Variants in PTPN21 observed in about 807,000 individuals in gnomAD.
PTPN21 encodes the protein tyrosine-protein phosphatase non-receptor type 21.
PTPN21 carries 77 observed loss-of-function variants against 131.8 expected under a neutral mutation model. The observed-to-expected ratio is 0.58, with a 90% CI of 0.49 to 0.71. The LOEUF is 0.71. Among genes scored for constraint, PTPN21 ranks in the 30% least tolerant of loss-of-function variants. The pLI, the probability that PTPN21 is intolerant of heterozygous loss-of-function variation, is 0.00. For synonymous variants in PTPN21, 715 were observed against 621.3 expected (o/e 1.15, Z -2.24); for missense variants, 1,552 against 1,527.1 (o/e 1.02, Z -0.27).
chr14:88,471,734 G>A lies in PTPN21; in HGVS notation c.2871+510C>T, dbSNP rs565417390. Among the ~76,000 whole-genome samples, 7 of 152,256 alleles carry A rather than the reference G, an allele frequency of 4.6e-5. No homozygotes were observed. In the South Asian group the frequency reaches 1.5e-3, roughly 32 times the overall value. ...GTTACATAAAAATGCATGTCAGTAT[G>A]TGATGAGGAAAAACTAGCAATTCAG... On this transcript the variant is annotated intron_variant, in intron 15 of 18. Transcript: ENST00000556564.
rs758836085 is a variant in PTPN21 at position 88,500,802 on chromosome 14, T to C, written c.745A>G (p.Arg249Gly). 1 of 1,612,512 alleles carries C rather than the reference T, an allele frequency of 6.2e-7. No homozygotes were observed. Among genetic ancestry groups the C allele is most frequent in the East Asian group, 2.2e-5 (1 of 44,880 alleles). ...EGIFVKHKNG[R>G]HPVVFRWHDI... is the part of the protein sequence containing the mutation. ...AAATACCTAAATACCACAGGATGCC[T>C]TCCATTCTTGTGTTTCACAAAGATA... Residue 249 changes from arginine (R) to glycine (G), a missense_variant, in exon 8 of 19, where the codon AGG becomes GGG. Coordinates refer to ENST00000556564, the MANE Select transcript of PTPN21 (RefSeq NM_007039.4).
Position 88,469,798 on chromosome 14 carries a change from G to A in PTPN21, c.3001-65C>T, listed in dbSNP as rs755437772. The A allele has an allele frequency of 1.3e-5, 21 of 1,596,964 alleles. No homozygotes were observed. The highest frequency in any genetic ancestry group is 3.3e-5 in the South Asian group (3 of 90,622). ...CAATGGATGCCTTTCTCACATAGACGGCACATCTGAAACAGAACCACAACC... is the reference window on the plus strand; with the variant it reads ...CAATGGATGCCTTTCTCACATAGACAGCACATCTGAAACAGAACCACAACC... On this transcript the variant is annotated intron_variant, in intron 16 of 18. Coordinates refer to ENST00000556564, the MANE Select transcript of PTPN21 (RefSeq NM_007039.4). This position sits in a 1 kb window ranked among gnomAD's most constrained non-coding sequence, Gnocchi z 4.3.
chr14:88,471,622 TA>T (rs2077470481), intron 15 of PTPN21, among the ~76,000 whole-genome samples: 1 of 152,034 alleles, frequency 6.6e-6, no homozygotes, highest in Non-Finnish European at 1.5e-5. Flanking sequence ...ACTTAAAAAT[TA>T]TTATAAAGAG....
chr14:88,529,506 G>T (rs970166745), intron 2 of PTPN21, among the ~76,000 whole-genome samples: 1 of 152,056 alleles, frequency 6.6e-6, no homozygotes, highest in Admixed American at 6.6e-5. Flanking sequence ...TCCTGAGGAA[G>T]AAGAGAAATC....
intron 2 of PTPN21, among the ~76,000 whole-genome samples, chr14:88,534,725 T>G (rs552121638): frequency 3.2e-4 from 48 of 151,662 alleles, no homozygotes; most frequent in African/African-American, 1.1e-3. Context: ...ACTACAAAAA[T>G]TAGCCAGGTG....
intron 15 of PTPN21, among the ~76,000 whole-genome samples, chr14:88,471,121 ATGT>A (rs2077459715): frequency 6.6e-6 from 1 of 152,174 alleles, no homozygotes; most frequent in Admixed American, 6.5e-5. Flanking sequence ...ACAAAATAGT[ATGT>A]GCATAGATTC....
chr14:88,489,744 G>A (rs1367630893), intron 10 of PTPN21, among the ~76,000 whole-genome samples: 1 of 152,198 alleles, frequency 6.6e-6, no homozygotes, highest in Non-Finnish European at 1.5e-5. Flanking sequence ...ACTATAGTAA[G>A]GGTAAGGAAG....
intron 2 of PTPN21, among the ~76,000 whole-genome samples, chr14:88,532,184 AAAG>A (rs1458569361): frequency 6.6e-6 from 1 of 152,154 alleles, no homozygotes; most frequent in Non-Finnish European, 1.5e-5. Flanking sequence ...TCACACATTC[AAAG>A]AAGAATTGGT....
At chr14:88,519,219 T>G (rs2078352095) in intron 2 of PTPN21, among the ~76,000 whole-genome samples, 1 of 152,204 alleles carries the variant, frequency 6.6e-6, no homozygotes, top group Non-Finnish European at 1.5e-5. Flanking sequence ...CTCAAGCCAC[T>G]GCTAATACTT....
At chr14:88,470,293 G>T in intron 15 of PTPN21, 1 of 498,988 alleles carries the variant, frequency 2.0e-6, no homozygotes. Context: ...TATGCAACCT[G>T]TTTAACCTTG....
rs2077604192 is a variant in PTPN21, at chr14:88,479,486, C to T, written c.1945G>A (p.Gly649Ser). The T allele has an allele frequency of 6.2e-7, 1 of 1,601,766 alleles. No homozygotes were observed. Among genetic ancestry groups the T allele is most frequent in the Non-Finnish European group, 8.5e-7 (1 of 1,179,138 alleles). Residue 649 changes from glycine to serine, a missense_variant, in exon 13 of 19, where the codon GGC becomes AGC. Physicochemically the swap from Gly to Ser is moderately conservative, Grantham distance 56. This residue lies in a region of PTPN21 where 1,016 missense variants were observed against 883.5 expected (regional missense o/e 1.15). Transcript: ENST00000556564. ...EVAGLSHGLEGLRLKERTLSA... is the reference protein window; with the variant it reads ...EVAGLSHGLESLRLKERTLSA... The stretch of plus-strand genomic sequence containing the variant: ...AGGGTGCGCTCCTTGAGCCGCAGGC[C>T]CTCCAGGCCGTGGCTGAGCCCGGCC...
chr14:88,537,649 A>C (rs1477500893), intron 2 of PTPN21, among the ~76,000 whole-genome samples: 1 of 152,224 alleles, frequency 6.6e-6, no homozygotes, highest in Non-Finnish European at 1.5e-5. Flanking sequence ...AAAGATCTTG[A>C]ATTATAAGAT....
At position 88,510,534 on chromosome 14, in the gene PTPN21, C is replaced by G. The variant is rs57518602; in HGVS notation, c.351-2514G>C. Among the ~76,000 whole-genome samples the G allele has an allele frequency of 5.2e-3, 792 of 152,218 alleles. 5 individuals are homozygous for G. The highest frequency in any genetic ancestry group is 0.018 in the African/African-American group (759 of 41,536). ...GGTCTTGTTCTTAACCACGACAAAT[C>G]TACAGTTATAGATATTTCTAGTATT... On this transcript the variant is annotated intron_variant, in intron 3 of 18. Coordinates refer to ENST00000556564, the MANE Select transcript of PTPN21 (RefSeq NM_007039.4).
chr14:88,543,173 C>T (rs2078729918), intron 2 of PTPN21, among the ~76,000 whole-genome samples: 1 of 152,108 alleles, frequency 6.6e-6, no homozygotes, highest in South Asian at 2.1e-4. Context: ...TAAAGTTGTG[C>T]TTGAGGGTTA....
At chr14:88,489,403 G>T (rs1288036023) in intron 10 of PTPN21, among the ~76,000 whole-genome samples, 1 of 152,102 alleles carries the variant, frequency 6.6e-6, no homozygotes, top group East Asian at 1.9e-4. Context: ...TACTTAGGAG[G>T]CTGAGATGTG....
chr14:88,473,092 G>A (rs1361117040), intron 14 of PTPN21, among the ~76,000 whole-genome samples: 1 of 152,050 alleles, frequency 6.6e-6, no homozygotes, highest in African/African-American at 2.4e-5. Context: ...CTAGGGGACG[G>A]ATAATGAGTT....
chr14:88,504,975 A>C (rs2078065549), intron 5 of PTPN21, among the ~76,000 whole-genome samples: 1 of 152,212 alleles, frequency 6.6e-6, no homozygotes, highest in Non-Finnish European at 1.5e-5. Flanking sequence ...TAATTTTGTA[A>C]GGTTTCAAAC....
At chr14:88,503,883 C>G (rs1566829825) in intron 6 of PTPN21, 1 of 152,356 alleles carries the variant, frequency 6.6e-6, no homozygotes, top group African/African-American at 2.4e-5. Flanking sequence ...ACAGGCAACA[C>G]AGAGATTCAT....
intron 10 of PTPN21, among the ~76,000 whole-genome samples, chr14:88,494,150 C>T (rs1401169289): frequency 6.6e-6 from 1 of 152,160 alleles, no homozygotes; most frequent in Non-Finnish European, 1.5e-5. Flanking sequence ...CAATCAGGGA[C>T]AGCCTCTGAA....
Sources: allele counts gnomAD v4.1 joint callset (sites outside exome capture counted in the v4.1 genomes callset), GRCh38; gene constraint gnomAD v4.1.1; regional missense constraint gnomAD v4.1.1; non-coding constraint Gnocchi (gnomAD v3.1); transcripts MANE v1.5; gene names NCBI Gene and HGNC (gene_info 2026-07-23, HGNC 2026-07-21).